SHISAL2A: variants seen among roughly 807,000 people sequenced by gnomAD.
The protein encoded by SHISAL2A is protein shisa-like-2A.
Under a neutral mutation model 11.5 loss-of-function variants are expected in SHISAL2A, and 18 were observed. The ratio of observed to expected loss-of-function variants is 1.57; its 90% confidence interval spans 1.08 to 2.33. The LOEUF is 2.33. Ranked by LOEUF, SHISAL2A falls within the 30% of genes most tolerant of loss-of-function variation. SHISAL2A has a pLI of 0.00. For synonymous variants in SHISAL2A, 94 were observed against 99.6 expected (o/e 0.94, Z 0.34); for missense variants, 261 against 250.9 (o/e 1.04, Z -0.27).
intron 1 of SHISAL2A, among the ~76,000 whole-genome samples, chr1:52,640,941 A>G (rs1351143215): frequency 6.6e-6 from 1 of 152,180 alleles, no homozygotes; most frequent in African/African-American, 2.4e-5. Context: ...GAGAGGGCCC[A>G]GAGGTTGAGT....
intron 2 of SHISAL2A, among the ~76,000 whole-genome samples, chr1:52,643,469 A>T (rs1389194927): frequency 6.6e-6 from 1 of 152,202 alleles, no homozygotes; most frequent in Non-Finnish European, 1.5e-5. Context: ...TAGGTTATCA[A>T]GTGCCTCTAA....
exon 5 of SHISAL2A, chr1:52,667,490 A>ATCACCG (rs1692034674): frequency 3.9e-6 from 2 of 518,314 alleles, no homozygotes; most frequent in African/African-American, 4.3e-5. Flanking sequence ...CACCATCACC[A>ATCACCG]TCACCATCAC....
At chr1:52,656,668 T>C in intron 2 of SHISAL2A, 122 bp from the exon 3 acceptor site, 1 of 1,033,490 alleles carries the variant, frequency 9.7e-7, no homozygotes, top group Non-Finnish European at 1.4e-6. Flanking sequence ...GTTAAACAAA[T>C]GATGCTTCTA....
chr1:52,656,695 G>T, intron 2 of SHISAL2A, 95 bp from the exon 3 acceptor site: 1 of 1,353,848 alleles, frequency 7.4e-7, no homozygotes, highest in Non-Finnish European at 1.0e-6. Flanking sequence ...TGACCACAGT[G>T]CACTGCCCAA....
intron 2 of SHISAL2A, among the ~76,000 whole-genome samples, chr1:52,646,072 T>C (rs974540290): frequency 6.6e-5 from 10 of 152,244 alleles, no homozygotes; most frequent in Non-Finnish European, 1.2e-4. Context: ...GGTTTTAAAC[T>C]GAGTACAAAT....
intron 1 of SHISAL2A, among the ~76,000 whole-genome samples, chr1:52,637,015 C>T (rs961556631): frequency 6.6e-6 from 1 of 152,216 alleles, no homozygotes; most frequent in South Asian, 2.1e-4. Flanking sequence ...CCCTTCCCTA[C>T]ACAGCTCTTG....
chr1:52,642,916 T>C lies in SHISAL2A; in HGVS notation c.236T>C (p.Ile79Thr), dbSNP rs371791231. ...SVAAVVLLAFIVTACVLCYLF... is the reference protein window; with the variant it reads ...SVAAVVLLAFTVTACVLCYLF... Reference sequence around the variant, plus strand: ...GCAGCAGTGGTTCTTCTCGCCTTCATTGTTACCGCCTGTGTGCTCTGCTAC... The same window carrying C: ...GCAGCAGTGGTTCTTCTCGCCTTCACTGTTACCGCCTGTGTGCTCTGCTAC... The change falls in exon 2 of 3, where the codon ATT becomes ACT. Residue 79 changes from isoleucine to threonine, a missense_variant. Coordinates refer to ENST00000517870, the MANE Select transcript of SHISAL2A (RefSeq NM_001042693.3). The C allele has an allele frequency of 3.7e-6, 6 of 1,613,960 alleles. No homozygotes were observed. The African/African-American group carries it at 5.3e-5, about 14-fold the overall frequency.
chr1:52,650,718 C>T (rs1405921184), intron 2 of SHISAL2A, among the ~76,000 whole-genome samples: 2 of 139,486 alleles, frequency 1.4e-5, no homozygotes, highest in African/African-American at 2.6e-5. Context: ...GATCTTGGCT[C>T]ACTGCAACCT....
downstream of SHISAL2A, among the ~76,000 whole-genome samples, chr1:52,657,393 C>T (rs935664204): frequency 6.6e-6 from 1 of 152,142 alleles, no homozygotes. Flanking sequence ...ATGATTAGCC[C>T]TCAGAGGGGG....
intron 1 of SHISAL2A, among the ~76,000 whole-genome samples, chr1:52,634,249 C>A (rs1275327477): frequency 6.6e-6 from 1 of 152,156 alleles, no homozygotes; most frequent in Non-Finnish European, 1.5e-5. Context: ...CAAACCTCAA[C>A]CTCCAGACTT....
chr1:52,651,502 G>T (rs2149886696), intron 2 of SHISAL2A, among the ~76,000 whole-genome samples: 1 of 152,246 alleles, frequency 6.6e-6, no homozygotes, highest in Non-Finnish European at 1.5e-5. Flanking sequence ...CTCCCAAAGT[G>T]CTGGGATTGC....
chr1:52,663,735 T>C (rs1005236649), intron 4 of SHISAL2A, among the ~76,000 whole-genome samples: 1 of 152,110 alleles, frequency 6.6e-6, no homozygotes, highest in African/African-American at 2.4e-5. Context: ...CATTCCAGCC[T>C]GGGCAACAAG....
chr1:52,645,687 G>C (rs570695909), intron 2 of SHISAL2A, among the ~76,000 whole-genome samples: 1 of 152,324 alleles, frequency 6.6e-6, no homozygotes, highest in South Asian at 2.1e-4. Flanking sequence ...GGGATTACAG[G>C]TGTGAGCCAC....
At chr1:52,637,038 C>A (rs920203956) in intron 1 of SHISAL2A, among the ~76,000 whole-genome samples, 3 of 152,190 alleles carry the variant, frequency 2.0e-5, no homozygotes, top group Admixed American at 1.3e-4. Flanking sequence ...TCTTGTGGTC[C>A]CTTCCGTTGC....
chr1:52,640,069 T>A (rs904873459), intron 1 of SHISAL2A: 1 of 152,212 alleles, frequency 6.6e-6, no homozygotes, highest in Non-Finnish European at 1.5e-5. Flanking sequence ...AGATTACAGG[T>A]ATGAGCCACA....
rs748640457 is a variant in SHISAL2A, at chr1:52,633,596, G to C, written c.103G>C (p.Gly35Arg). Residue 35 changes from glycine to arginine, a missense_variant, in exon 1 of 3, where the codon GGC (glycine) becomes CGC (arginine). Coordinates refer to ENST00000517870, the MANE Select transcript of SHISAL2A (RefSeq NM_001042693.3). The surrounding 1 kb of genome is among the most constrained non-coding windows in gnomAD (Gnocchi z 6.4). ...GGEAAAVFCC[G>R]FRDHKYCCDD... Reference sequence around the variant, plus strand: ...CGAGGCGGCCGCTGTCTTCTGCTGCGGCTTCCGCGACCACAAGTACTGCTG... The same window carrying C: ...CGAGGCGGCCGCTGTCTTCTGCTGCCGCTTCCGCGACCACAAGTACTGCTG... 5 of 1,612,390 alleles carry C rather than the reference G, an allele frequency of 3.1e-6. No individual in the cohort carries two copies. The South Asian group carries it at 5.5e-5, about 18-fold the overall frequency.
intron 4 of SHISAL2A, chr1:52,667,356 G>C (rs1013215960): frequency 3.5e-5 from 34 of 974,574 alleles, no homozygotes; most frequent in Non-Finnish European, 3.9e-5. Context: ...CCGCCATGGG[G>C]AAGTCTTTCA....
intron 2 of SHISAL2A, among the ~76,000 whole-genome samples, chr1:52,654,258 T>TAGAC (rs1266377968): frequency 2.2e-4 from 34 of 151,136 alleles, no homozygotes; most frequent in African/African-American, 6.6e-4. Context: ...GATAGATAGA[T>TAGAC]AGACAGATAG....
intron 5 of SHISAL2A, among the ~76,000 whole-genome samples, chr1:52,668,210 T>C (rs1024993671): frequency 4.6e-5 from 7 of 152,192 alleles, no homozygotes; most frequent in East Asian, 3.8e-4. Context: ...TTGTGGGTTA[T>C]TGGAATAGCT....
Sources: allele counts gnomAD v4.1 joint callset (sites outside exome capture counted in the v4.1 genomes callset), GRCh38; gene constraint gnomAD v4.1.1; non-coding constraint Gnocchi (gnomAD v3.1); transcripts MANE v1.5; gene names NCBI Gene and HGNC (gene_info 2026-07-23, HGNC 2026-07-21).